The following THADA variants were observed in gnomAD, a reference collection of about 807,000 sequenced individuals.
THADA encodes the protein tRNA (32-2'-O)-methyltransferase regulator THADA.
THADA carries 213 observed loss-of-function variants against 219.8 expected under a neutral mutation model. That is an observed-to-expected ratio of 0.97 (90% CI 0.87 to 1.09). The LOEUF (loss-of-function observed/expected upper bound fraction) is 1.09, where lower values mean the gene tolerates loss of function less well. Among genes scored for constraint, THADA ranks in the 50% least tolerant of loss-of-function variants. The probability of loss-of-function intolerance (pLI) is 0.00; values close to 1 mark genes in which losing one functional copy is unlikely to be tolerated. For synonymous variants in THADA, 1,018 were observed against 828.9 expected (o/e 1.23, Z -3.92); for missense variants, 2,956 against 2,311.3 (o/e 1.28, Z -5.72).
chr2:43,361,750 A>G (rs182554752), intron 29 of THADA, among the ~76,000 whole-genome samples: 2 of 152,352 alleles, frequency 1.3e-5, no homozygotes, highest in Admixed American at 1.3e-4. Flanking sequence ...AATTATGATT[A>G]TCCCTCAGGT....
At chr2:43,479,130 T>G (rs1414243408) in intron 26 of THADA, among the ~76,000 whole-genome samples, 1 of 152,222 alleles carries the variant, frequency 6.6e-6, no homozygotes, top group East Asian at 1.9e-4. Context: ...TCATTAATAT[T>G]TATAATCTTA....
At chr2:43,424,925 C>T (rs996221452) in intron 28 of THADA, among the ~76,000 whole-genome samples, 1 of 152,104 alleles carries the variant, frequency 6.6e-6, no homozygotes, top group Non-Finnish European at 1.5e-5. Flanking sequence ...GGAACAGATC[C>T]CACCATTGGT....
intron 22 of THADA, among the ~76,000 whole-genome samples, chr2:43,513,636 C>T (rs1278687336): frequency 6.6e-6 from 1 of 152,012 alleles, no homozygotes; most frequent in Non-Finnish European, 1.5e-5. Context: ...AGGGGGACAC[C>T]CAAAATACCA....
intron 22 of THADA, among the ~76,000 whole-genome samples, chr2:43,511,942 G>A (rs1690524569): frequency 6.6e-6 from 1 of 152,196 alleles, no homozygotes; most frequent in Admixed American, 6.5e-5. Flanking sequence ...ACTGGGGAAA[G>A]AGCTAGGTCA....
At position 43,384,905 on chromosome 2, in the gene THADA, C is replaced by A. The variant is rs112951027; in HGVS notation, c.4227+13066G>T. Among the ~76,000 whole-genome samples, 433 of 152,178 alleles carry A rather than the reference C, an allele frequency of 2.8e-3. 1 individual carries two copies. Among genetic ancestry groups the A allele is most frequent in the Middle Eastern group, 0.014 (4 of 294 alleles). Reference sequence around the variant, plus strand: ...CTGTAATTCCAGCACTTTGGGAGGCCGAAGACATGCAGATCACCTGAGGTC... The same window carrying A: ...CTGTAATTCCAGCACTTTGGGAGGCAGAAGACATGCAGATCACCTGAGGTC... On this transcript the variant is annotated intron_variant, in intron 29 of 37. Transcript: ENST00000405975.
At position 43,403,793 on chromosome 2, in the gene THADA, C is replaced by G. The variant is rs147754684; in HGVS notation, c.4059-5654G>C. 1.6e-4 allele frequency among the ~76,000 whole-genome samples: 25 copies of G among 152,212 alleles called. No individual in the cohort carries two copies. In the East Asian group the frequency reaches 4.3e-3, roughly 26 times the overall value. Reference sequence around the variant, plus strand: ...TGCATCTTCAGAGCTGGTATGAGTTCAAAAAAGCTATGTCTGACCCTGACC... The same window carrying G: ...TGCATCTTCAGAGCTGGTATGAGTTGAAAAAAGCTATGTCTGACCCTGACC... On this transcript the variant is annotated intron_variant, in intron 28 of 37. Transcript: ENST00000405975.
chr2:43,400,482 T>TATATATAC (rs1553427586), intron 28 of THADA, among the ~76,000 whole-genome samples: 1 of 146,722 alleles, frequency 6.8e-6, no homozygotes, highest in Non-Finnish European at 1.5e-5. Context: ...TATATAAATA[T>TATATATAC]ATACACTAAG....
At chr2:43,472,511 T>C (rs1418967334) in intron 26 of THADA, among the ~76,000 whole-genome samples, 1 of 152,194 alleles carries the variant, frequency 6.6e-6, no homozygotes, top group Non-Finnish European at 1.5e-5. Context: ...AAACGGAAAG[T>C]TGGCTTAATT....
chr2:43,331,920 C>G (rs902474669), intron 30 of THADA, among the ~76,000 whole-genome samples: 1 of 146,688 alleles, frequency 6.8e-6, no homozygotes, highest in Admixed American at 6.8e-5. Context: ...ATATCTAATA[C>G]ACACACACAC....
chr2:43,542,028 T>C (rs1286700727), intron 20 of THADA, among the ~76,000 whole-genome samples: 1 of 152,200 alleles, frequency 6.6e-6, no homozygotes, highest in Non-Finnish European at 1.5e-5. Flanking sequence ...CAAATTATCT[T>C]TCAAAATATA....
intron 14 of THADA, among the ~76,000 whole-genome samples, chr2:43,567,191 C>A (rs1462997547): frequency 6.6e-6 from 1 of 151,906 alleles, no homozygotes; most frequent in African/African-American, 2.4e-5. Context: ...GGACATGCAA[C>A]CCTGGGGAAT....
intron 21 of THADA, among the ~76,000 whole-genome samples, chr2:43,530,357 G>A (rs1479702975): frequency 6.6e-6 from 1 of 152,092 alleles, no homozygotes; most frequent in Admixed American, 6.6e-5. Context: ...GAATTATCAA[G>A]GCTTAAATCC....
intron 36 of THADA, among the ~76,000 whole-genome samples, chr2:43,265,255 A>G (rs1307212304): frequency 3.3e-5 from 5 of 152,222 alleles, no homozygotes; most frequent in Non-Finnish European, 5.9e-5. Flanking sequence ...GCATCTGGAC[A>G]ACCTCCTGGG....
chr2:43,255,558 C>T (rs1304073234), intron 36 of THADA, among the ~76,000 whole-genome samples: 6 of 152,154 alleles, frequency 3.9e-5, no homozygotes, highest in Non-Finnish European at 8.8e-5. Flanking sequence ...AGGGATTGGG[C>T]CCCCCAGAAC....
At chr2:43,583,559 C>T (rs80075345) in intron 7 of THADA, among the ~76,000 whole-genome samples, 20,490 of 152,146 alleles carry the variant, frequency 0.13, 1,550 homozygotes, top group African/African-American at 0.2. Context: ...TCCACTCCTA[C>T]GTATATACCC....
intron 29 of THADA, among the ~76,000 whole-genome samples, chr2:43,385,606 CAAAAAAA>C (rs532857816): frequency 1.1e-3 from 53 of 49,920 alleles, no homozygotes; most frequent in Admixed American, 3.8e-3. Flanking sequence ...GACTCCGTCT[CAAAAAAA>C]AAAAAAAAAA....
chr2:43,590,877 T>C lies in THADA; in HGVS notation c.249A>G (p.Ala83=), dbSNP rs771493274. The C allele has an allele frequency of 6.2e-7, 1 of 1,613,858 alleles. No homozygotes were observed. Among genetic ancestry groups the C allele is most frequent in the Non-Finnish European group, 8.5e-7 (1 of 1,179,798 alleles). The change falls in exon 4 of 38, where the codon GCA becomes GCG. Residue 83 remains alanine, a synonymous_variant. Coordinates refer to ENST00000405975, the MANE Select transcript of THADA (RefSeq NM_022065.5). ...TTAGACTCAAAGAAAGATAAATGCCTGCTAAGATATCCAAACAACTTTGAA... is the reference window on the plus strand; with the variant it reads ...TTAGACTCAAAGAAAGATAAATGCCCGCTAAGATATCCAAACAACTTTGAA... ...PTIQSCLDIL[A]GIYLSLSLKN...
chr2:43,242,064 C>T (rs947975318), intron 36 of THADA, among the ~76,000 whole-genome samples: 5 of 152,352 alleles, frequency 3.3e-5, no homozygotes, highest in South Asian at 4.1e-4. Flanking sequence ...TCCCTCAGGA[C>T]GCAACGCAGA....
intron 29 of THADA, among the ~76,000 whole-genome samples, chr2:43,386,079 T>C (rs1371934384): frequency 6.6e-6 from 1 of 152,000 alleles, no homozygotes; most frequent in African/African-American, 2.4e-5. Flanking sequence ...CTGATGCCCA[T>C]ACATACCTCA....
Sources: gnomAD v4.1 joint callset for allele counts (sites outside exome capture counted in the v4.1 genomes callset) on GRCh38, gnomAD v4.1.1 for gene constraint, MANE v1.5 for transcripts, NCBI Gene and HGNC (gene_info 2026-07-23, HGNC 2026-07-21) for gene names.